C10orf105: variants seen among roughly 807,000 people sequenced by gnomAD.
C10orf105 encodes uncharacterized protein C10orf105.
Under a neutral mutation model 0.6 loss-of-function variants are expected in C10orf105, and 2 were observed. That is an observed-to-expected ratio of 3.18 (90% CI 1.30 to 10.01). The LOEUF is 10.01. Among genes scored for constraint, C10orf105 ranks in the 30% most tolerant of loss-of-function variants. The pLI is 0.04. For synonymous variants in C10orf105, 95 were observed against 82.4 expected (o/e 1.15, Z -0.83); for missense variants, 209 against 191.4 (o/e 1.09, Z -0.54).
At chr10:71,729,866 G>A (rs1056083169) in intron 1 of C10orf105, among the ~76,000 whole-genome samples, 8 of 150,936 alleles carry the variant, frequency 5.3e-5, no homozygotes, top group South Asian at 4.2e-4. Flanking sequence ...ATGGAGTCTC[G>A]CTCTGTTGCC....
At chr10:71,724,060 G>T, upstream of C10orf105, 1 of 1,560,498 alleles carries the variant, frequency 6.4e-7, no homozygotes, top group Non-Finnish European at 8.7e-7. Flanking sequence ...AGCCACGGAC[G>T]CAGATGAGGG....
At chr10:71,735,125 T>C (rs1302832262) in intron 1 of C10orf105, among the ~76,000 whole-genome samples, 2 of 152,240 alleles carry the variant, frequency 1.3e-5, no homozygotes, top group Admixed American at 6.5e-5. Context: ...GAAGCAGATG[T>C]GACTGCAGTG....
Position 71,712,462 on chromosome 10 carries a change from G to A in C10orf105, c.*3474C>T. 1.7e-6 allele frequency: 1 copy of A among 580,876 alleles called. No individual in the cohort carries two copies. The highest frequency in any genetic ancestry group is 3.1e-6 in the Non-Finnish European group (1 of 325,514). The allele number at this position is 580,876 out of a possible 1,614,324, so 36.0% of individuals were successfully genotyped here. A position where few individuals can be genotyped will look rare whatever the true frequency, so the allele number is the denominator to read the frequency against. The stretch of plus-strand genomic sequence containing the variant: ...TGAGGACTGAATGGGTTAGAAGAAT[G>A]GCTGGCACATGGTGTTATCTAAGTA... On this transcript the variant is annotated 3_prime_UTR_variant, in exon 2 of 2. Coordinates refer to ENST00000441508, the MANE Select transcript of C10orf105 (RefSeq NM_001164375.3).
intron 1 of C10orf105, chr10:71,730,446 C>T (rs757385467): frequency 6.2e-7 from 1 of 1,611,748 alleles, no homozygotes; most frequent in Non-Finnish European, 8.5e-7. Context: ...CCTGACCTTG[C>T]ACCCCTGGCC....
rs944157673 is a variant in C10orf105 at position 71,719,646 on chromosome 10, C to T, written c.-25G>A. On this transcript the variant is annotated 5_prime_UTR_variant, in exon 1 of 2. Coordinates refer to ENST00000441508, the MANE Select transcript of C10orf105 (RefSeq NM_001164375.3). ...ACTGACCTCAGAGCCAGACCCCAGC[C>T]GTCCGGAGCTCCGTGGAGAGGTCTT... The T allele has an allele frequency of 3.9e-5, 6 of 152,752 alleles. No homozygotes were observed. The highest frequency in any genetic ancestry group is 6.5e-5 in the Admixed American group (1 of 15,292). 9.5% of individuals were successfully genotyped at this position (152,752 alleles called of 1,614,324 possible).
upstream of C10orf105, among the ~76,000 whole-genome samples, chr10:71,721,773 G>C (rs1281495114): frequency 6.6e-6 from 1 of 152,178 alleles, no homozygotes; most frequent in Non-Finnish European, 1.5e-5. Context: ...GGAGGTTCCA[G>C]GGCATCAGTG....
At chr10:71,726,959 T>C (rs1440497186) in intron 1 of C10orf105, among the ~76,000 whole-genome samples, 1 of 152,136 alleles carries the variant, frequency 6.6e-6, no homozygotes, top group Non-Finnish European at 1.5e-5. Context: ...GGGTACAGTG[T>C]AAAACAGATC....
At chr10:71,735,948 G>T (rs1839552219) in intron 1 of C10orf105, among the ~76,000 whole-genome samples, 2 of 152,354 alleles carry the variant, frequency 1.3e-5, no homozygotes, top group South Asian at 4.1e-4. Context: ...AGACACTCAG[G>T]GGTAAAGTGG....
Position 71,712,613 on chromosome 10 carries a change from G to A in C10orf105, c.*3323C>T. ...GGGAGTGTGCAAAGTCACAGGAAGT[G>A]TGCCCCTCTCTCAGGCAGCTGCTAA... On this transcript the variant is annotated 3_prime_UTR_variant, in exon 2 of 2. Transcript: ENST00000441508. 2 of 1,601,518 alleles carry A rather than the reference G, an allele frequency of 1.2e-6. No homozygotes were observed. The highest frequency in any genetic ancestry group is 1.7e-6 in the Non-Finnish European group (2 of 1,171,958).
intron 1 of C10orf105, among the ~76,000 whole-genome samples, chr10:71,735,124 G>A (rs1839522746): frequency 1.3e-5 from 2 of 152,254 alleles, no homozygotes; most frequent in South Asian, 4.1e-4. Context: ...GGAAGCAGAT[G>A]TGACTGCAGT....
rs775496154 is a variant in C10orf105 at position 71,725,379 on chromosome 10, T to C, written c.-5-9037A>G. On this transcript the variant is annotated intron_variant, in intron 1 of 1. Transcript: ENST00000398786. ...GTCTGTCCCTCCACACAGGTAACCA[T>C]GGCAACAACTTCCGGATCCATGTCA... The C allele has an allele frequency of 6.2e-6, 10 of 1,613,876 alleles. No individual in the cohort carries two copies. The East Asian group carries it at 1.3e-4, about 22-fold the overall frequency.
In C10orf105 at chr10:71,713,428, G is replaced by A. The variant is rs1286822711; in HGVS notation, c.*2508C>T. The A allele has an allele frequency of 9.9e-6, 6 of 608,190 alleles. No individual in the cohort carries two copies. The highest frequency in any genetic ancestry group is 5.7e-5 in the Admixed American group (2 of 35,230). The allele number at this position is 608,190 out of a possible 1,614,324, so 37.7% of individuals were successfully genotyped here. A position where few individuals can be genotyped will look rare whatever the true frequency, so the allele number is the denominator to read the frequency against. On this transcript the variant is annotated 3_prime_UTR_variant, in exon 2 of 2. Coordinates refer to ENST00000441508, the MANE Select transcript of C10orf105 (RefSeq NM_001164375.3). Reference sequence around the variant, plus strand: ...TTACCAACTATGGGGTTTCCGACTCGGAGGCTGAGCCAAACAGGGAATCTG... The same window carrying A: ...TTACCAACTATGGGGTTTCCGACTCAGAGGCTGAGCCAAACAGGGAATCTG...
chr10:71,729,167 A>G (rs1866948295), intron 1 of C10orf105, among the ~76,000 whole-genome samples: 1 of 152,186 alleles, frequency 6.6e-6, no homozygotes, highest in African/African-American at 2.4e-5. Flanking sequence ...TATTACGTTC[A>G]TGATGTACAG....
chr10:71,723,144 G>A (rs1325936135), upstream of C10orf105, among the ~76,000 whole-genome samples: 1 of 152,164 alleles, frequency 6.6e-6, no homozygotes, highest in African/African-American at 2.4e-5. Flanking sequence ...AAAAGAAGTG[G>A]GAGAGCCCAG....
chr10:71,722,362 A>T (rs1174497750), upstream of C10orf105, among the ~76,000 whole-genome samples: 1 of 152,224 alleles, frequency 6.6e-6, no homozygotes, highest in Non-Finnish European at 1.5e-5. Flanking sequence ...GAAAAATCAA[A>T]CAGGGAGCGA....
intron 1 of C10orf105, chr10:71,725,625 C>T: frequency 2.3e-6 from 3 of 1,312,018 alleles, no homozygotes; most frequent in Non-Finnish European, 3.1e-6. Flanking sequence ...AGGGCCACCA[C>T]TGATTTAGGT....
chr10:71,719,176 A>G lies in C10orf105; in HGVS notation c.-6+451T>C, dbSNP rs79680491. On this transcript the variant is annotated intron_variant, in intron 1 of 1. Coordinates refer to ENST00000441508, the MANE Select transcript of C10orf105 (RefSeq NM_001164375.3). The stretch of plus-strand genomic sequence containing the variant: ...ATTCCTAAGTGCTTGAAAACAACAC[A>G]ACACCCTTCCTGGAGCACGAGGCAA... Among the ~76,000 whole-genome samples the G allele has an allele frequency of 3.0e-3, 460 of 152,306 alleles. 1 individual carries two copies. The highest frequency in any genetic ancestry group is 0.01 in the African/African-American group (430 of 41,570).
At chr10:71,734,544 G>A (rs1417751471) in intron 1 of C10orf105, 2 of 1,606,236 alleles carry the variant, frequency 1.2e-6, no homozygotes, top group African/African-American at 1.3e-5. Flanking sequence ...GGTGGAGGGT[G>A]GCACCTCCAG....
chr10:71,716,517 T>G (rs1866250095), intron 1 of C10orf105, 175 bp from the exon 2 acceptor site: 1 of 553,940 alleles, frequency 1.8e-6, no homozygotes, highest in Non-Finnish European at 3.1e-6. Context: ...CAAGTCTAAG[T>G]GTACACACAG....
Sources: allele counts gnomAD v4.1 joint callset (sites outside exome capture counted in the v4.1 genomes callset), GRCh38; gene constraint gnomAD v4.1.1; transcripts MANE v1.5; gene names NCBI Gene and HGNC (gene_info 2026-07-23, HGNC 2026-07-21).